The following EYS variants were observed in gnomAD, a reference collection of about 807,000 sequenced individuals.
EYS encodes the protein EGF-like photoreceptor maintenance factor.
Under a neutral mutation model 282.1 loss-of-function variants are expected in EYS, and 250 were observed. The observed-to-expected ratio is 0.89, with a 90% CI of 0.80 to 0.98. The LOEUF (loss-of-function observed/expected upper bound fraction) is 0.98. EYS is among the 50% of genes least tolerant of loss of function. EYS has a pLI of 0.00. For missense variants in EYS, 4,016 were observed against 3,709.0 expected (o/e 1.08, Z -2.15); for synonymous variants, 1,355 against 1,282.9 (o/e 1.06, Z -1.20).
At chr6:64,421,251 A>C (rs1774224253) in intron 28 of EYS, among the ~76,000 whole-genome samples, 1 of 152,132 alleles carries the variant, frequency 6.6e-6, no homozygotes, top group Non-Finnish European at 1.5e-5. Context: ...CAAAAGGGGA[A>C]GCCCCTTAAA....
At chr6:64,782,364 A>C (rs1773888147) in intron 22 of EYS, among the ~76,000 whole-genome samples, 1 of 152,184 alleles carries the variant, frequency 6.6e-6, no homozygotes, top group South Asian at 2.1e-4. Flanking sequence ...GAAATAGTCA[A>C]TACCCTATTT....
intron 26 of EYS, among the ~76,000 whole-genome samples, 187 bp from the exon 27 acceptor site, chr6:64,439,539 T>C (rs1290878110): frequency 6.6e-6 from 1 of 151,848 alleles, no homozygotes; most frequent in African/African-American, 2.4e-5. Flanking sequence ...TTGTATTTGA[T>C]GGCTTCATGA....
At chr6:65,326,610 T>A (rs1312918994) in intron 11 of EYS, among the ~76,000 whole-genome samples, 1 of 151,582 alleles carries the variant, frequency 6.6e-6, no homozygotes, top group Non-Finnish European at 1.5e-5. Context: ...ATTTTTGTTT[T>A]ATATGAGACC....
chr6:64,363,019 G>A (rs1367308596), intron 29 of EYS, among the ~76,000 whole-genome samples: 1 of 131,778 alleles, frequency 7.6e-6, no homozygotes, highest in South Asian at 2.3e-4. Context: ...TTTGTGCAGT[G>A]TGTGATCATG....
chr6:63,889,884 G>A (rs1247391965), intron 35 of EYS, among the ~76,000 whole-genome samples: 1 of 151,644 alleles, frequency 6.6e-6, no homozygotes, highest in Admixed American at 6.6e-5. Context: ...CCCATCTCAC[G>A]TACAAAGTCA....
intron 33 of EYS, among the ~76,000 whole-genome samples, chr6:64,029,090 A>G (rs577546151): frequency 3.8e-4 from 58 of 152,308 alleles, no homozygotes; most frequent in Admixed American, 1.5e-3. Context: ...CACAGAGGGC[A>G]AATACTCATC....
chr6:65,039,986 T>A (rs1024480579), intron 13 of EYS, among the ~76,000 whole-genome samples: 1 of 151,666 alleles, frequency 6.6e-6, no homozygotes, highest in Non-Finnish European at 1.5e-5. Flanking sequence ...CTTTGCCAAT[T>A]TTGGCCCACG....
At chr6:64,557,644 T>C (rs535036378) in intron 26 of EYS, among the ~76,000 whole-genome samples, 2 of 152,086 alleles carry the variant, frequency 1.3e-5, no homozygotes, top group South Asian at 4.1e-4. Flanking sequence ...TATGGACAAA[T>C]ATAAAAATGT....
chr6:65,512,684 T>G (rs927338217), intron 2 of EYS, among the ~76,000 whole-genome samples: 26 of 152,098 alleles, frequency 1.7e-4, no homozygotes, highest in Non-Finnish European at 2.9e-4. Flanking sequence ...TGCTCCTGAA[T>G]GACTACTGGG....
chr6:64,264,195 T>C (rs997632112), intron 30 of EYS, among the ~76,000 whole-genome samples: 1 of 152,144 alleles, frequency 6.6e-6, no homozygotes, highest in South Asian at 2.1e-4. Context: ...TACTAGCTAA[T>C]AGTGATTTAT....
At chr6:64,493,029 C>T (rs1240129292) in intron 26 of EYS, among the ~76,000 whole-genome samples, 1 of 151,282 alleles carries the variant, frequency 6.6e-6, no homozygotes, top group Non-Finnish European at 1.5e-5. Flanking sequence ...ACACCTGGAG[C>T]AATCTTAAGT....
intron 29 of EYS, among the ~76,000 whole-genome samples, chr6:64,345,904 C>T (rs1310740108): frequency 6.6e-6 from 1 of 152,140 alleles, no homozygotes; most frequent in Admixed American, 6.6e-5. Flanking sequence ...TATGAACAGA[C>T]ACTTCTCAAA....
At chr6:65,061,573 T>C (rs1308991789) in intron 12 of EYS, among the ~76,000 whole-genome samples, 1 of 151,896 alleles carries the variant, frequency 6.6e-6, no homozygotes, top group East Asian at 1.9e-4. Context: ...AAGTTTCATG[T>C]GTTAATTTCT....
intron 33 of EYS, among the ~76,000 whole-genome samples, chr6:64,060,693 T>C (rs1035933872): frequency 9.2e-5 from 14 of 152,324 alleles, no homozygotes; most frequent in Non-Finnish European, 1.5e-4. Flanking sequence ...TTTTATCCCA[T>C]AGACATGGAG....
intron 30 of EYS, among the ~76,000 whole-genome samples, chr6:64,301,903 T>C (rs1463614829): frequency 1.3e-5 from 2 of 152,146 alleles, no homozygotes; most frequent in African/African-American, 2.4e-5. Context: ...AAAGCTGAGG[T>C]TGGGGCCTTA....
At chr6:64,577,989 T>A (rs1333895076) in intron 26 of EYS, among the ~76,000 whole-genome samples, 1 of 152,090 alleles carries the variant, frequency 6.6e-6, no homozygotes, top group Admixed American at 6.6e-5. Flanking sequence ...GACTCAACCT[T>A]CAAAACATAT....
At chr6:65,100,772 C>CAAAA (rs527752155) in intron 12 of EYS, among the ~76,000 whole-genome samples, 16 of 135,342 alleles carry the variant, frequency 1.2e-4, no homozygotes, top group African/African-American at 4.3e-4. Context: ...ATAAAAGCTC[C>CAAAA]AAAAAAAAAA....
rs575260374 is a variant in EYS, at chr6:63,838,992, T to A, written c.7228+25194A>T. 7.9e-5 allele frequency among the ~76,000 whole-genome samples: 12 copies of A among 152,332 alleles called. No homozygotes were observed. In the South Asian group the frequency reaches 2.5e-3, roughly 32 times the overall value. ...GCACAGTGTGATATTTTAATACATA[T>A]AGGCAATGTGTGATTATCAAATTGG... On this transcript the variant is annotated intron_variant, in intron 36 of 42. Transcript: ENST00000503581.
At chr6:63,780,677 A>G (rs187606094) in intron 39 of EYS, among the ~76,000 whole-genome samples, 1 of 151,960 alleles carries the variant, frequency 6.6e-6, no homozygotes, top group Admixed American at 6.6e-5. Context: ...GATTGCAAAA[A>G]TTTTCTCCCA....
Sources: gnomAD v4.1 joint callset for allele counts (sites outside exome capture counted in the v4.1 genomes callset) on GRCh38, gnomAD v4.1.1 for gene constraint, MANE v1.5 for transcripts, NCBI Gene and HGNC (gene_info 2026-07-23, HGNC 2026-07-21) for gene names.